MDH1B: variants seen among roughly 807,000 people sequenced by gnomAD.
MDH1B encodes putative malate dehydrogenase 1B.
In MDH1B, 60 loss-of-function variants were observed where a neutral mutation model predicts 61.4. The ratio of observed to expected loss-of-function variants is 0.98; its 90% CI spans 0.79 to 1.21. MDH1B has a LOEUF of 1.21. MDH1B is among the 50% of genes most tolerant of loss of function. MDH1B has a pLI of 0.00. For missense variants in MDH1B, 587 were observed against 632.1 expected, an observed-to-expected ratio of 0.93 and a Z score of 0.76; for synonymous variants, 236 against 218.7, an observed-to-expected ratio of 1.08 and a Z score of -0.70.
chr2:206,748,777 A>T (rs56012632), intron 7 of MDH1B, among the ~76,000 whole-genome samples: 18,737 of 152,176 alleles, frequency 0.12, 1,683 homozygotes, highest in African/African-American at 0.26. Context: ...TGTTTATTCC[A>T]CTGTAGGTTT....
Position 206,746,784 on chromosome 2 carries a change from T to G in MDH1B, c.1217-358A>C, listed in dbSNP as rs182465127. Reference sequence around the variant, plus strand: ...CATTTGTCCATCTGGCCTTCCACTCTTCTCACCTGCTACAGCACTCACACA... The same window carrying G: ...CATTTGTCCATCTGGCCTTCCACTCGTCTCACCTGCTACAGCACTCACACA... On this transcript the variant is annotated intron_variant, in intron 7 of 11. Transcript: ENST00000374412. 2.2e-4 allele frequency among the ~76,000 whole-genome samples: 33 copies of G among 152,286 alleles called. No individual in the cohort carries two copies. The East Asian group carries it at 6.4e-3, about 29-fold the overall frequency.
rs1688670010 is a variant in MDH1B at position 206,755,014 on chromosome 2, G to T, written c.905C>A (p.Pro302His). ...AILARKLKTA[P>H]SYIKDVIIWG... ...ATAAAGAGACATTCACTCACATGAA[G>T]GAGCTGTCTTCAGTTTTCTGGCCAG... The change falls in exon 5 of 12, where the codon CCT becomes CAT. Residue 302 changes from proline (P) to histidine (H), a missense_variant. Physicochemically the swap from Pro to His is moderately conservative, Grantham distance 77. Coordinates refer to ENST00000374412, the MANE Select transcript of MDH1B (RefSeq NM_001039845.3). 1.2e-6 allele frequency: 2 copies of T among 1,610,944 alleles called. No individual in the cohort carries two copies. Among genetic ancestry groups the T allele is most frequent in the Non-Finnish European group, 1.7e-6 (2 of 1,177,504 alleles).
At chr2:206,743,418 T>A (rs1328312435) in intron 9 of MDH1B, among the ~76,000 whole-genome samples, 1 of 152,170 alleles carries the variant, frequency 6.6e-6, no homozygotes, top group Non-Finnish European at 1.5e-5. Flanking sequence ...TTTCTCATGG[T>A]CCTCTGTCAG....
Position 206,755,518 on chromosome 2 carries a change from C to G in MDH1B, c.414-13G>C. 6.2e-7 allele frequency: 1 copy of G among 1,601,870 alleles called. No homozygotes were observed. Among genetic ancestry groups the G allele is most frequent in the Non-Finnish European group, 8.5e-7 (1 of 1,173,694 alleles). ...AGGAGCAGAGGCACTGATAAAAATGCAAAGCCGCATTGTGAATAGTTATAT... is the reference window on the plus strand; with the variant it reads ...AGGAGCAGAGGCACTGATAAAAATGGAAAGCCGCATTGTGAATAGTTATAT... On this transcript the variant is annotated splice_polypyrimidine_tract_variant and intron_variant, in intron 4 of 11. Transcript: ENST00000374412.
chr2:206,745,159 G>A (rs1226410677), intron 9 of MDH1B, among the ~76,000 whole-genome samples: 1 of 151,988 alleles, frequency 6.6e-6, no homozygotes, highest in Non-Finnish European at 1.5e-5. Flanking sequence ...GAAGAGGGAA[G>A]CACAGGTTGG....
chr2:206,763,093 A>G (rs1689197463), intron 1 of MDH1B, among the ~76,000 whole-genome samples: 1 of 151,856 alleles, frequency 6.6e-6, no homozygotes, highest in African/African-American at 2.4e-5. Context: ...ATCTCCTTCA[A>G]AATGTCTCAT....
rs1687575502 is a variant in MDH1B at position 206,737,859 on chromosome 2, G to A, written c.*624C>T. The A allele has an allele frequency of 6.6e-6, 1 of 152,164 alleles. No homozygotes were observed. The highest frequency in any genetic ancestry group is 1.5e-5 in the Non-Finnish European group (1 of 68,038). The allele number at this position is 152,164 out of a possible 1,614,324, so 9.4% of individuals were successfully genotyped here. A position where few individuals can be genotyped will look rare whatever the true frequency, so the allele number is the denominator to read the frequency against. ...TTAAAAAAGTGTGATTTATTGTACA[G>A]ACCTTTATACAAAGCACACTCAAGG... is the stretch of plus-strand genomic sequence containing the variant. On this transcript the variant is annotated 3_prime_UTR_variant, in exon 12 of 12. Coordinates refer to ENST00000374412, the MANE Select transcript of MDH1B (RefSeq NM_001039845.3).
chr2:206,739,053 T>C (rs776858632), intron 11 of MDH1B, among the ~76,000 whole-genome samples: 20 of 152,170 alleles, frequency 1.3e-4, no homozygotes, highest in Non-Finnish European at 2.5e-4. Flanking sequence ...GCAGATTACT[T>C]GTGTCAATTT....
intron 9 of MDH1B, among the ~76,000 whole-genome samples, chr2:206,744,742 T>G (rs566427320): frequency 6.6e-6 from 1 of 151,614 alleles, no homozygotes; most frequent in Non-Finnish European, 1.5e-5. Flanking sequence ...CCGGCCAACA[T>G]AGTGAAACCT....
intron 1 of MDH1B, among the ~76,000 whole-genome samples, chr2:206,762,663 G>C (rs1457644018): frequency 6.6e-6 from 1 of 152,066 alleles, no homozygotes; most frequent in Non-Finnish European, 1.5e-5. Flanking sequence ...CCCTATATTT[G>C]CCATCCTCAG....
intron 8 of MDH1B, 55 bp from the exon 9 acceptor site, chr2:206,745,728 TTC>T: frequency 5.7e-5 from 65 of 1,131,554 alleles, no homozygotes; most frequent in Admixed American, 1.6e-4. Context: ...AACTTAATTC[TTC>T]TTTTTTTTTT....
At chr2:206,753,136 A>C (rs1409051737) in intron 5 of MDH1B, among the ~76,000 whole-genome samples, 1 of 148,810 alleles carries the variant, frequency 6.7e-6, no homozygotes, top group East Asian at 1.9e-4. Flanking sequence ...GAAGATCAAC[A>C]CAGAGAGCAG....
intron 7 of MDH1B, among the ~76,000 whole-genome samples, chr2:206,747,073 G>A (rs1402562420): frequency 6.6e-6 from 1 of 151,960 alleles, no homozygotes; most frequent in Non-Finnish European, 1.5e-5. Context: ...GCACCATTCA[G>A]ACAAAATTGT....
chr2:206,739,759 G>T (rs1687704808), intron 10 of MDH1B, 98 bp from the exon 11 acceptor site: 1 of 1,089,012 alleles, frequency 9.2e-7, no homozygotes, highest in Non-Finnish European at 1.4e-6. Flanking sequence ...CCACTCTGAG[G>T]TTTCTCTGAA....
intron 9 of MDH1B, 44 bp downstream of exon 9, chr2:206,745,578 T>G (rs757671828): frequency 7.1e-7 from 1 of 1,401,144 alleles, no homozygotes; most frequent in Non-Finnish European, 1.0e-6. Flanking sequence ...ATTTTAATAC[T>G]CTTTTAATAG....
chr2:206,739,456 C>A, intron 11 of MDH1B, 137 bp downstream of exon 11: 3 of 764,562 alleles, frequency 3.9e-6, no homozygotes, highest in Admixed American at 2.7e-5. Context: ...AGTAAGCAAC[C>A]AAGGCTGGGT....
Position 206,755,361 on chromosome 2 carries a change from G to A in MDH1B, c.558C>T (p.Asp186=), listed in dbSNP as rs1688701396. The A allele has an allele frequency of 1.2e-6, 2 of 1,614,078 alleles. No homozygotes were observed. Among genetic ancestry groups the A allele is most frequent in the Non-Finnish European group, 1.7e-6 (2 of 1,180,046 alleles). ...CACTGCGCAGGACGGGAGATGCCAGGTCTTGGGTCTCCACCACAAGGCTTT... is the reference window on the plus strand; with the variant it reads ...CACTGCGCAGGACGGGAGATGCCAGATCTTGGGTCTCCACCACAAGGCTTT... The part of the protein sequence containing the change: ...HLKSLVVETQ[D]LASPVLRSVS... The change falls in exon 5 of 12, where the codon GAC becomes GAT. Residue 186 remains aspartate (D), a synonymous_variant. Coordinates refer to ENST00000374412, the MANE Select transcript of MDH1B (RefSeq NM_001039845.3).
intron 4 of MDH1B, among the ~76,000 whole-genome samples, chr2:206,756,357 T>A (rs1030778829): frequency 6.6e-6 from 1 of 151,064 alleles, no homozygotes; most frequent in Non-Finnish European, 1.5e-5. Flanking sequence ...AAAGACAAAC[T>A]GAGGGGTGAG....
At chr2:206,758,688 C>G (rs953866387) in intron 2 of MDH1B, among the ~76,000 whole-genome samples, 5 of 152,000 alleles carry the variant, frequency 3.3e-5, no homozygotes, top group African/African-American at 1.2e-4. Flanking sequence ...ATTGCTTGAA[C>G]CTGGGAGGCG....
Sources: gnomAD v4.1 joint callset for allele counts (sites outside exome capture counted in the v4.1 genomes callset) on GRCh38, gnomAD v4.1.1 for gene constraint, MANE v1.5 for transcripts, NCBI Gene and HGNC (gene_info 2026-07-23, HGNC 2026-07-21) for gene names.